LRIG3: variants seen among roughly 807,000 people sequenced by gnomAD.
The protein encoded by LRIG3 is leucine rich repeats and immunoglobulin like domains 3, also known as leucine-rich repeats and immunoglobulin-like domains protein 3.
A neutral mutation model predicts 114.5 loss-of-function variants in LRIG3; 76 were observed. The ratio of observed to expected loss-of-function variants is 0.66; its 90% confidence interval spans 0.55 to 0.80. LRIG3 has a LOEUF of 0.80. LRIG3 is among the 30% of genes least tolerant of loss of function. LRIG3 has a pLI of 0.00. For missense variants in LRIG3, 1,239 were observed against 1,382.8 expected (o/e 0.90, Z 1.65); for synonymous variants, 512 against 519.8 (o/e 0.98, Z 0.20).
chr12:58,882,442 T>C (rs1194972020), intron 12 of LRIG3, among the ~76,000 whole-genome samples: 1 of 152,182 alleles, frequency 6.6e-6, no homozygotes, highest in African/African-American at 2.4e-5. Flanking sequence ...TACCGACCAA[T>C]AGTTAATTTT....
intron 3 of LRIG3, among the ~76,000 whole-genome samples, chr12:58,896,668 G>A (rs1871652701): frequency 6.6e-6 from 1 of 152,112 alleles, no homozygotes; most frequent in Non-Finnish European, 1.5e-5. Context: ...TTAATGTGAA[G>A]CCATTTTTTA....
intron 3 of LRIG3, among the ~76,000 whole-genome samples, chr12:58,905,488 C>A (rs138631557): frequency 2.0e-5 from 3 of 152,268 alleles, no homozygotes; most frequent in Admixed American, 6.5e-5. Context: ...TTCCACTAAA[C>A]GTAATATCTG....
intron 7 of LRIG3, among the ~76,000 whole-genome samples, 165 bp from the exon 8 acceptor site, chr12:58,888,097 C>A (rs1432442128): frequency 6.6e-6 from 1 of 152,090 alleles, no homozygotes; most frequent in African/African-American, 2.4e-5. Context: ...TAAAAAAATA[C>A]GTTCTCTTTA....
At chr12:58,914,534 G>T in intron 1 of LRIG3, 198 bp from the exon 2 acceptor site, 1 of 545,044 alleles carries the variant, frequency 1.8e-6, no homozygotes, top group Non-Finnish European at 3.2e-6. Context: ...TAGGGAGACT[G>T]GCAGATTCAA....
intron 9 of LRIG3, 62 bp from the exon 10 acceptor site, chr12:58,885,964 A>G: frequency 9.4e-7 from 1 of 1,068,044 alleles, no homozygotes. Flanking sequence ...TGGAACTCTC[A>G]TAAACAGAAC....
chr12:58,876,304 C>G, intron 16 of LRIG3, 141 bp downstream of exon 16: 1 of 801,926 alleles, frequency 1.2e-6, no homozygotes, highest in Non-Finnish European at 1.9e-6. Flanking sequence ...TAGAACTATA[C>G]AATTTCAACC....
chr12:58,876,667 G>A (rs374330537), intron 15 of LRIG3, 64 bp from the exon 16 acceptor site: 31 of 1,556,332 alleles, frequency 2.0e-5, no homozygotes, highest in South Asian at 1.6e-4. Context: ...CAGGCATCCC[G>A]GGTGAATGGC....
In LRIG3 at chr12:58,874,347, C is replaced by A; in HGVS notation, c.2840-17G>T. On this transcript the variant is annotated splice_polypyrimidine_tract_variant and intron_variant, in intron 17 of 18. Coordinates refer to ENST00000320743, the MANE Select transcript of LRIG3 (RefSeq NM_153377.5). Reference sequence around the variant, plus strand: ...GACTGCAACCTTTTTAATATGGGGGCAGTAACAGAAGGAGATTACAGTTAG... The same window carrying A: ...GACTGCAACCTTTTTAATATGGGGGAAGTAACAGAAGGAGATTACAGTTAG... 6.2e-7 allele frequency: 1 copy of A among 1,606,392 alleles called. No homozygotes were observed. The highest frequency in any genetic ancestry group is 1.1e-5 in the South Asian group (1 of 89,890).
At chr12:58,884,425 T>C (rs74099550) in intron 10 of LRIG3, among the ~76,000 whole-genome samples, 2,118 of 152,216 alleles carry the variant, frequency 0.014, 54 homozygotes, top group African/African-American at 0.045. Flanking sequence ...GGACCAGACA[T>C]GGCTAGACGA....
intron 1 of LRIG3, among the ~76,000 whole-genome samples, chr12:58,917,255 A>G (rs1462650173): frequency 1.3e-5 from 2 of 152,214 alleles, no homozygotes; most frequent in Non-Finnish European, 2.9e-5. Flanking sequence ...ACATTTCTAC[A>G]TAAGACAAAT....
In LRIG3 at chr12:58,880,387, G is replaced by A. The variant is rs766941737; in HGVS notation, c.1801+194C>T. On this transcript the variant is annotated intron_variant, in intron 13 of 18. Coordinates refer to ENST00000320743, the MANE Select transcript of LRIG3 (RefSeq NM_153377.5). The stretch of plus-strand genomic sequence containing the variant: ...TACTCACCACACTGAGTACGGTGTC[G>A]TCTTCAACATAATTGCAGGTTTAGA... 53 of 705,078 alleles carry A rather than the reference G, an allele frequency of 7.5e-5. 1 individual carries two copies. In the East Asian group the frequency reaches 8.4e-4, roughly 11 times the overall value. The allele number at this position is 705,078 out of a possible 1,614,324, so 43.7% of individuals were successfully genotyped here. A position where few individuals can be genotyped will look rare whatever the true frequency, so the allele number is the denominator to read the frequency against.
At chr12:58,912,782 C>T (rs866438953) in intron 3 of LRIG3, among the ~76,000 whole-genome samples, 4 of 152,140 alleles carry the variant, frequency 2.6e-5, no homozygotes, top group African/African-American at 4.8e-5. Flanking sequence ...CAGATGTTTA[C>T]GATACCAAAA....
intron 1 of LRIG3, chr12:58,914,684 G>C (rs1046110954): frequency 5.3e-6 from 1 of 189,558 alleles, no homozygotes; most frequent in Non-Finnish European, 1.1e-5. Context: ...TTAAGAAAAG[G>C]AGCTAATTAG....
intron 16 of LRIG3, among the ~76,000 whole-genome samples, chr12:58,876,080 T>C (rs1236792528): frequency 6.6e-6 from 1 of 152,070 alleles, no homozygotes; most frequent in Non-Finnish European, 1.5e-5. Flanking sequence ...AAATAAAAAA[T>C]AGACTTCTTA....
intron 15 of LRIG3, among the ~76,000 whole-genome samples, chr12:58,876,865 A>AT (rs964905706): frequency 6.6e-6 from 1 of 152,208 alleles, no homozygotes; most frequent in Non-Finnish European, 1.5e-5. Flanking sequence ...GTTTAAACAG[A>AT]TTTTTTAAAA....
chr12:58,873,821 A>C, intron 18 of LRIG3: 1 of 566,954 alleles, frequency 1.8e-6, no homozygotes, highest in Admixed American at 3.2e-5. Context: ...TGCCACACAC[A>C]GTGCTACCCA....
intron 1 of LRIG3, among the ~76,000 whole-genome samples, chr12:58,919,710 A>T (rs1448566422): frequency 6.6e-6 from 1 of 152,190 alleles, no homozygotes; most frequent in Non-Finnish European, 1.5e-5. Context: ...CTTAGGGCGC[A>T]GGACTTCATC....
At chr12:58,880,106 C>T (rs975884348) in intron 13 of LRIG3, among the ~76,000 whole-genome samples, 1 of 152,010 alleles carries the variant, frequency 6.6e-6, no homozygotes, top group Non-Finnish European at 1.5e-5. Context: ...ACCAGCCTGA[C>T]CAATATAGTG....
chr12:58,877,997 A>G, intron 14 of LRIG3, 145 bp from the exon 15 acceptor site: 1 of 736,974 alleles, frequency 1.4e-6, no homozygotes, highest in Non-Finnish European at 2.2e-6. Context: ...GAGCCTAAAC[A>G]TATACAACAT....
Sources: gnomAD v4.1 joint callset for allele counts (sites outside exome capture counted in the v4.1 genomes callset) on GRCh38, gnomAD v4.1.1 for gene constraint, MANE v1.5 for transcripts, NCBI Gene and HGNC (gene_info 2026-07-23, HGNC 2026-07-21) for gene names.